IFT80: variants seen among roughly 807,000 people sequenced by gnomAD.
IFT80 encodes intraflagellar transport protein 80 homolog.
IFT80 carries 79 observed loss-of-function variants against 107.9 expected under a neutral mutation model. The observed-to-expected ratio is 0.73, with a 90% confidence interval of 0.61 to 0.88. The LOEUF (loss-of-function observed/expected upper bound fraction) is 0.88, where lower values mean the gene tolerates loss of function less well. Ranked by LOEUF, IFT80 falls within the 40% of genes least tolerant of loss-of-function variation. The pLI is 0.00. For missense variants in IFT80, 797 were observed against 914.2 expected (o/e 0.87, Z 1.65); for synonymous variants, 299 against 300.9 (o/e 0.99, Z 0.07).
intron 9 of IFT80, among the ~76,000 whole-genome samples, chr3:160,315,770 G>A (rs952135851): frequency 3.9e-5 from 6 of 152,108 alleles, no homozygotes; most frequent in African/African-American, 1.2e-4. Flanking sequence ...ACATATTTAT[G>A]TATAGTTTTC....
chr3:160,280,207 AT>A, intron 15 of IFT80, among the ~76,000 whole-genome samples: 1 of 152,210 alleles, frequency 6.6e-6, no homozygotes, highest in East Asian at 1.9e-4. Context: ...AAGCATATAA[AT>A]TTTTAAAAAT....
chr3:160,305,401 A>G (rs1488528578), intron 10 of IFT80, among the ~76,000 whole-genome samples: 1 of 152,216 alleles, frequency 6.6e-6, no homozygotes, highest in East Asian at 1.9e-4. Flanking sequence ...TTACTGATTT[A>G]GTAATTATTA....
chr3:160,367,388 T>C (rs1576879729), intron 5 of IFT80, among the ~76,000 whole-genome samples: 1 of 152,270 alleles, frequency 6.6e-6, no homozygotes, highest in Admixed American at 6.5e-5. Context: ...ACTCACCTTA[T>C]AAATTAATTA....
intron 8 of IFT80, among the ~76,000 whole-genome samples, chr3:160,354,526 G>GC (rs756565556): frequency 3.9e-5 from 6 of 152,110 alleles, no homozygotes; most frequent in Admixed American, 6.5e-5. Context: ...GGTGACGAGT[G>GC]CCTGTAGTCC....
At chr3:160,262,492 T>TA (rs1448896325) in intron 19 of IFT80, among the ~76,000 whole-genome samples, 1 of 121,950 alleles carries the variant, frequency 8.2e-6, no homozygotes, top group Non-Finnish European at 1.7e-5. Context: ...GCTAATTTTT[T>TA]AAATTTTTTT....
intron 11 of IFT80, among the ~76,000 whole-genome samples, chr3:160,302,339 G>A (rs999134005): frequency 1.4e-4 from 21 of 151,948 alleles, no homozygotes; most frequent in African/African-American, 5.1e-4. Context: ...TTATTTAATT[G>A]AAGGGTTTGG....
intron 6 of IFT80, among the ~76,000 whole-genome samples, chr3:160,358,879 T>C (rs1721292598): frequency 6.6e-6 from 1 of 152,226 alleles, no homozygotes; most frequent in Admixed American, 6.5e-5. Context: ...AGGCAGAAAC[T>C]ATGTTCTGTT....
At chr3:160,277,071 A>C (rs1157745201) in intron 18 of IFT80, among the ~76,000 whole-genome samples, 3 of 152,192 alleles carry the variant, frequency 2.0e-5, no homozygotes, top group Non-Finnish European at 4.4e-5. Context: ...CCAGTTGCTA[A>C]AACCAAAAAT....
In IFT80 at chr3:160,268,299, T is replaced by TTA. The variant is rs1713507253; in HGVS notation, c.2223+113_2223+114insTA. 8.5e-6 allele frequency: 8 copies of TTA among 941,698 alleles called. 1 individual carries two copies. The South Asian group carries it at 1.1e-4, about 13-fold the overall frequency. The allele number at this position is 941,698 out of a possible 1,614,324, so 58.3% of individuals were successfully genotyped here. ...ATGTCATAAGGCAAAAAGTAATTCT[T>TTA]TTAGAGGTTAAAAGATTCAAAATTT... On this transcript the variant is annotated intron_variant, in intron 19 of 19. Coordinates refer to ENST00000326448, the MANE Select transcript of IFT80 (RefSeq NM_020800.3).
intron 4 of IFT80, among the ~76,000 whole-genome samples, chr3:160,376,936 T>C (rs910297166): frequency 2.0e-5 from 3 of 152,190 alleles, no homozygotes; most frequent in Non-Finnish European, 4.4e-5. Flanking sequence ...CAGAACCTCA[T>C]GAGAGGCTCT....
At chr3:160,360,599 C>T (rs1023728938) in intron 6 of IFT80, among the ~76,000 whole-genome samples, 21 of 152,140 alleles carry the variant, frequency 1.4e-4, no homozygotes, top group African/African-American at 5.1e-4. Flanking sequence ...TTAACGGCAG[C>T]CAGAAAGAAA....
At chr3:160,370,285 C>G (rs1722142333) in intron 5 of IFT80, among the ~76,000 whole-genome samples, 1 of 151,920 alleles carries the variant, frequency 6.6e-6, no homozygotes, top group African/African-American at 2.4e-5. Context: ...TAGAGTCTGG[C>G]ACTATATAGC....
intron 9 of IFT80, among the ~76,000 whole-genome samples, chr3:160,315,020 G>C (rs2108291118): frequency 7.9e-6 from 1 of 126,794 alleles, no homozygotes; most frequent in East Asian, 2.6e-4. Context: ...TATTTAAAGG[G>C]AAAAAAAGTG....
intron 6 of IFT80, among the ~76,000 whole-genome samples, chr3:160,364,703 G>C (rs1197951615): frequency 6.6e-6 from 1 of 152,020 alleles, no homozygotes; most frequent in Non-Finnish European, 1.5e-5. Context: ...TCCTTTGCAG[G>C]GACATGGATG....
In IFT80 at chr3:160,332,891, AT is replaced by A. The variant is rs529434603; in HGVS notation, c.778-12953del. On this transcript the variant is annotated intron_variant, in intron 8 of 19. Coordinates refer to ENST00000326448, the MANE Select transcript of IFT80 (RefSeq NM_020800.3). ...ATATCAAAGGCAGGATAAATTCTTG[AT>A]TATTTCCAGTTAGTTGCCATCATGT... is the stretch of plus-strand genomic sequence containing the variant. Among the ~76,000 whole-genome samples, 18 of 152,324 alleles carry A rather than the reference AT, an allele frequency of 1.2e-4. No homozygotes were observed. In the South Asian group the frequency reaches 3.5e-3, roughly 30 times the overall value.
Position 160,298,889 on chromosome 3 carries a change from T to C in IFT80, c.1315+1994A>G, listed in dbSNP as rs539727649. Among the ~76,000 whole-genome samples the C allele has an allele frequency of 4.6e-5, 7 of 152,266 alleles. No homozygotes were observed. In the South Asian group the frequency reaches 1.2e-3, roughly 27 times the overall value. On this transcript the variant is annotated intron_variant, in intron 12 of 19. Coordinates refer to ENST00000326448, the MANE Select transcript of IFT80 (RefSeq NM_020800.3). ...CACGTCTAAACATAGAAAAAGGTAATGCACTATGACATTACAATGGCTATG... is the reference window on the plus strand; with the variant it reads ...CACGTCTAAACATAGAAAAAGGTAACGCACTATGACATTACAATGGCTATG...
At chr3:160,373,095 A>G (rs1054649974) in intron 5 of IFT80, among the ~76,000 whole-genome samples, 1 of 152,074 alleles carries the variant, frequency 6.6e-6, no homozygotes, top group Admixed American at 6.6e-5. Flanking sequence ...TTTTGTAGAG[A>G]TGGGGTTTTG....
intron 10 of IFT80, among the ~76,000 whole-genome samples, chr3:160,306,449 A>G (rs561047474): frequency 6.6e-6 from 1 of 152,172 alleles, no homozygotes; most frequent in Non-Finnish European, 1.5e-5. Context: ...TAATTATTCA[A>G]ACATCTATCT....
chr3:160,370,375 A>ATTTTTTTTTTTTTT (rs200660321), intron 5 of IFT80, among the ~76,000 whole-genome samples: 1 of 146,668 alleles, frequency 6.8e-6, no homozygotes, highest in Non-Finnish European at 1.5e-5. Flanking sequence ...TAGCCATTTG[A>ATTTTTTTTTTTTTT]TTTTTTTTTT....
Sources: allele counts gnomAD v4.1 joint callset (sites outside exome capture counted in the v4.1 genomes callset), GRCh38; gene constraint gnomAD v4.1.1; transcripts MANE v1.5; gene names NCBI Gene and HGNC (gene_info 2026-07-23, HGNC 2026-07-21).